The following MYO9B variants were observed in gnomAD, a reference collection of about 807,000 sequenced individuals.
The protein encoded by MYO9B is myosin IXB.
MYO9B carries 71 observed loss-of-function variants against 229.5 expected under a neutral mutation model. The ratio of observed to expected loss-of-function variants is 0.31; its 90% CI spans 0.26 to 0.38. MYO9B has a LOEUF of 0.38. Ranked by LOEUF, MYO9B falls within the 10% of genes least tolerant of loss-of-function variation. MYO9B has a pLI of 1.00. For missense variants in MYO9B, 2,255 were observed against 2,920.5 expected (o/e 0.77, Z 5.25); for synonymous variants, 1,185 against 1,235.8 (o/e 0.96, Z 0.86).
intron 1 of MYO9B, among the ~76,000 whole-genome samples, chr19:17,100,887 G>C (rs1415962427): frequency 2.6e-5 from 4 of 151,844 alleles, no homozygotes; most frequent in Non-Finnish European, 5.9e-5. Context: ...CAAATTTCAG[G>C]ACAGGTTCAG....
At chr19:17,154,860 G>A (rs940410852) in intron 6 of MYO9B, among the ~76,000 whole-genome samples, 6 of 152,094 alleles carry the variant, frequency 3.9e-5, no homozygotes, top group Admixed American at 1.3e-4. Flanking sequence ...TACTTGTGGG[G>A]CTGAGGTGGG....
intron 8 of MYO9B, among the ~76,000 whole-genome samples, chr19:17,159,897 A>T (rs2072579325): frequency 2.0e-5 from 3 of 152,158 alleles, no homozygotes; most frequent in Admixed American, 2.0e-4. Context: ...TCAGGCCCCA[A>T]AGCCAAAAAT....
chr19:17,207,046 T>G, intron 34 of MYO9B, 67 bp from the exon 35 acceptor site: 1 of 1,573,516 alleles, frequency 6.4e-7, no homozygotes, highest in Non-Finnish European at 8.6e-7. Flanking sequence ...AGAAGTTCAG[T>G]CTCGGGGCTC....
intron 2 of MYO9B, among the ~76,000 whole-genome samples, chr19:17,111,881 TCTGTG>T (rs2057851134): frequency 1.3e-5 from 2 of 152,202 alleles, no homozygotes; most frequent in Non-Finnish European, 2.9e-5. Flanking sequence ...TCTCTCACAC[TCTGTG>T]GCCTTTTGTG....
chr19:17,084,678 A>G (rs1384124312), intron 1 of MYO9B, among the ~76,000 whole-genome samples: 2 of 151,656 alleles, frequency 1.3e-5, no homozygotes, highest in East Asian at 3.9e-4. Flanking sequence ...AGCCTGGCCA[A>G]CATGGTGAAA....
chr19:17,154,837 C>T (rs1454565202), intron 6 of MYO9B, among the ~76,000 whole-genome samples: 1 of 152,060 alleles, frequency 6.6e-6, no homozygotes, highest in Non-Finnish European at 1.5e-5. Flanking sequence ...TAGTATGCAC[C>T]TGTGGTCCCA....
At chr19:17,159,232 CG>C (rs2072571411) in intron 7 of MYO9B, among the ~76,000 whole-genome samples, 162 bp from the exon 8 acceptor site, 1 of 20,468 alleles carries the variant, frequency 4.9e-5, no homozygotes, top group South Asian at 1.3e-3. Context: ...ACCAGCACAT[CG>C]CGGGTGGGTG....
In MYO9B at chr19:17,195,454, G is replaced by A; in HGVS notation, c.4027G>A (p.Ala1343Thr). The A allele has an allele frequency of 1.2e-6, 2 of 1,600,970 alleles. No individual in the cohort carries two copies. The highest frequency in any genetic ancestry group is 2.2e-5 in the South Asian group (2 of 90,358). Residue 1343 changes from alanine (A) to threonine (T), a missense_variant, in exon 22 of 40, where the codon GCC becomes ACC. Physicochemically the swap from Ala to Thr is moderately conservative, Grantham distance 58 (BLOSUM62 0). Coordinates refer to ENST00000682292, the MANE Select transcript of MYO9B (RefSeq NM_004145.4). This position sits in a 1 kb window ranked among gnomAD's most constrained non-coding sequence, Gnocchi z 4.5. ...CAGCGACAGACACCGGGCCACAGGG[G>A]CCGCCCTCACGCCCACAGAGTAAGC... ...DLSDRHRATG[A>T]ALTPTEERRT...
At chr19:17,194,423 G>A (rs2145456345) in intron 21 of MYO9B, 133 bp from the exon 22 acceptor site, 1 of 964,100 alleles carries the variant, frequency 1.0e-6, no homozygotes, top group East Asian at 2.6e-5. Flanking sequence ...CTTTCCAGAA[G>A]CATCTCTCAG....
At chr19:17,093,693 T>A (rs199815953) in intron 1 of MYO9B, among the ~76,000 whole-genome samples, 1 of 111,586 alleles carries the variant, frequency 9.0e-6, no homozygotes, top group African/African-American at 3.0e-5. Flanking sequence ...TTGCGGGGGG[T>A]GGGGGGGGGG....
At chr19:17,207,267 A>T (rs1055904967) in intron 35 of MYO9B, 23 bp downstream of exon 35, 54 of 1,583,450 alleles carry the variant, frequency 3.4e-5, no homozygotes, top group Non-Finnish European at 4.4e-5. Flanking sequence ...CCTGCCCCGG[A>T]GGCATGCTCA....
intron 2 of MYO9B, among the ~76,000 whole-genome samples, chr19:17,110,676 C>G (rs948315906): frequency 6.6e-6 from 1 of 152,124 alleles, no homozygotes. Context: ...GGCTGTTGTC[C>G]CAAGGGTCCC....
At chr19:17,098,416 A>C (rs150804140) in intron 1 of MYO9B, among the ~76,000 whole-genome samples, 53 of 151,572 alleles carry the variant, frequency 3.5e-4, no homozygotes, top group African/African-American at 1.3e-3. Flanking sequence ...TAGGATAATC[A>C]CTCCTGCTGT....
At chr19:17,138,121 A>C (rs1010487931) in intron 2 of MYO9B, among the ~76,000 whole-genome samples, 1 of 151,522 alleles carries the variant, frequency 6.6e-6, no homozygotes, top group Non-Finnish European at 1.5e-5. Flanking sequence ...TCATTGTTCA[A>C]CTCCCATTTA....
At chr19:17,148,698 C>T (rs2072443551) in intron 3 of MYO9B, among the ~76,000 whole-genome samples, 1 of 152,160 alleles carries the variant, frequency 6.6e-6, no homozygotes, top group Admixed American at 6.5e-5. Context: ...ATTCTTGTGC[C>T]TCAGTCTCCC....
Position 17,205,352 on chromosome 19 carries a change from C to T in MYO9B, c.5064+16C>T, listed in dbSNP as rs1419787001. The T allele has an allele frequency of 6.2e-7, 1 of 1,610,630 alleles. No homozygotes were observed. Among genetic ancestry groups the T allele is most frequent in the Non-Finnish European group, 8.5e-7 (1 of 1,177,166 alleles). ...CGGGAGGAAGGTGAGTGTACGAGGC[C>T]TGGAACTTTCTACAATGACACTCCA... On this transcript the variant is annotated intron_variant, in intron 31 of 39. Transcript: ENST00000682292.
At position 17,210,782 on chromosome 19, in the gene MYO9B, C is replaced by CCGG. The variant is rs781651336; in HGVS notation, c.5870_5872dup (p.Gly1957dup). The CCGG allele has an allele frequency of 6.3e-7, 1 of 1,582,934 alleles. No homozygotes were observed. Among genetic ancestry groups the CCGG allele is most frequent in the Non-Finnish European group, 8.6e-7 (1 of 1,165,152 alleles). On this transcript the variant is annotated inframe_insertion, in exon 38 of 40. Coordinates refer to ENST00000682292, the MANE Select transcript of MYO9B (RefSeq NM_004145.4). ...GAGGTGCTGCTGGAGGAGGAGGCAG[C>CCGG]CGGCGGCGATGAGGACCGGGAAAAG...
Position 17,076,018 on chromosome 19 carries a change from G to A in MYO9B, c.-59+144G>A, listed in dbSNP as rs114459726. 3.6e-3 allele frequency: 545 copies of A among 152,856 alleles called. 2 individuals are homozygous for A. The highest frequency in any genetic ancestry group is 0.012 in the African/African-American group (510 of 41,496). 9.5% of individuals were successfully genotyped at this position (152,856 alleles called of 1,614,324 possible). Reference sequence around the variant, plus strand: ...CGGGAACGAGCCTGGGGGTCTTGGAGAGATTGCTGGGGATGAGGTGGAAGC... The same window carrying A: ...CGGGAACGAGCCTGGGGGTCTTGGAAAGATTGCTGGGGATGAGGTGGAAGC... On this transcript the variant is annotated intron_variant, in intron 1 of 39. Transcript: ENST00000682292.
chr19:17,091,688 G>A (rs554474037), intron 1 of MYO9B, among the ~76,000 whole-genome samples: 9 of 152,262 alleles, frequency 5.9e-5, no homozygotes, highest in South Asian at 4.1e-4. Flanking sequence ...CAGGGGGCAC[G>A]CCAGCTTGTG....
Sources: allele counts gnomAD v4.1 joint callset (sites outside exome capture counted in the v4.1 genomes callset), GRCh38; gene constraint gnomAD v4.1.1; non-coding constraint Gnocchi (gnomAD v3.1); transcripts MANE v1.5; gene names NCBI Gene and HGNC (gene_info 2026-07-23, HGNC 2026-07-21).